Variants in RIOK1 observed in about 807,000 individuals in gnomAD.
The protein encoded by RIOK1 is RIO kinase 1, also known as serine/threonine-protein kinase RIO1.
RIOK1 carries 66 observed loss-of-function variants against 73.5 expected under a neutral mutation model. That is an observed-to-expected ratio of 0.90 (90% CI 0.74 to 1.10). RIOK1 has a LOEUF of 1.10. RIOK1 is among the 50% of genes least tolerant of loss of function. The pLI is 0.00. For synonymous variants in RIOK1, 224 were observed against 226.8 expected, an observed-to-expected ratio of 0.99 and a Z score of 0.11; for missense variants, 658 against 699.8, an observed-to-expected ratio of 0.94 and a Z score of 0.67.
intron 10 of RIOK1, 28 bp downstream of exon 10, chr6:7,404,583 GC>G: frequency 6.2e-7 from 1 of 1,604,466 alleles, no homozygotes. Context: ...CTTAAGAACT[GC>G]CTGTCAGTTG....
At chr6:7,395,534 A>C (rs1012234328) in intron 3 of RIOK1, among the ~76,000 whole-genome samples, 3 of 151,970 alleles carry the variant, frequency 2.0e-5, no homozygotes, top group African/African-American at 7.2e-5. Flanking sequence ...AAAAAGAAAA[A>C]AGGAATGAAT....
At chr6:7,417,194 T>C (rs552334338) in intron 16 of RIOK1, 137 bp from the exon 17 acceptor site, 1 of 513,768 alleles carries the variant, frequency 1.9e-6, no homozygotes, top group African/African-American at 2.0e-5. Context: ...GAGGCTGAAG[T>C]GAACCATGGT....
At chr6:7,399,204 A>G (rs1220372617) in intron 5 of RIOK1, among the ~76,000 whole-genome samples, 1 of 152,196 alleles carries the variant, frequency 6.6e-6, no homozygotes, top group African/African-American at 2.4e-5. Context: ...ATTGGCCCCT[A>G]ATTTTCCCAC....
At chr6:7,393,050 G>A (rs1278377966) in intron 1 of RIOK1, 49 bp from the exon 2 acceptor site, 2 of 1,521,300 alleles carry the variant, frequency 1.3e-6, no homozygotes, top group Non-Finnish European at 1.8e-6. Flanking sequence ...AGATCAGTTA[G>A]GGTATGTGGA....
chr6:7,411,618 G>T, intron 14 of RIOK1, 167 bp downstream of exon 14: 2 of 603,256 alleles, frequency 3.3e-6, no homozygotes, highest in East Asian at 3.1e-5. Flanking sequence ...GAACGCAAAG[G>T]GAATTATTTG....
intron 1 of RIOK1, among the ~76,000 whole-genome samples, chr6:7,392,615 G>C (rs927207211): frequency 6.6e-6 from 1 of 151,784 alleles, no homozygotes; most frequent in African/African-American, 2.4e-5. Context: ...GAACTCCTGG[G>C]CTCAAGCAAT....
At chr6:7,397,723 G>A (rs967686720) in intron 4 of RIOK1, among the ~76,000 whole-genome samples, 10 of 152,166 alleles carry the variant, frequency 6.6e-5, no homozygotes, top group African/African-American at 2.2e-4. Context: ...TATTTCACTG[G>A]TATCTGTTTG....
In RIOK1 at chr6:7,390,022, T is replaced by G; in HGVS notation, c.20T>G (p.Leu7Arg). The stretch of plus-strand genomic sequence containing the variant: ...CCAGTCATGGACTACCGGCGGCTTC[T>G]CATGAGCCGGGTGGTCCCCGGGCAA... MDYRRL[L>R]MSRVVPGQFD... The change falls in exon 1 of 17, where the codon CTC becomes CGC. Residue 7 changes from leucine (L) to arginine (R), a missense_variant. Coordinates refer to ENST00000379834, the MANE Select transcript of RIOK1 (RefSeq NM_031480.3). The G allele has an allele frequency of 6.4e-7, 1 of 1,555,268 alleles. No individual in the cohort carries two copies.
At chr6:7,414,062 T>A (rs1761945067) in intron 15 of RIOK1, among the ~76,000 whole-genome samples, 176 bp from the exon 16 acceptor site, 1 of 152,184 alleles carries the variant, frequency 6.6e-6, no homozygotes, top group Admixed American at 6.5e-5. Flanking sequence ...AGTGGCTACT[T>A]TCATGTTTCC....
chr6:7,417,626 A>G lies in RIOK1; in HGVS notation c.*185A>G. ...GCTCTAAGCTCTAGAGTCTAGATCCAGTCACTGACTCTGTCTGGTGTTGAC... is the reference window on the plus strand; with the variant it reads ...GCTCTAAGCTCTAGAGTCTAGATCCGGTCACTGACTCTGTCTGGTGTTGAC... On this transcript the variant is annotated 3_prime_UTR_variant, in exon 17 of 17. Coordinates refer to ENST00000379834, the MANE Select transcript of RIOK1 (RefSeq NM_031480.3). 1 of 384,890 alleles carries G rather than the reference A, an allele frequency of 2.6e-6. No individual in the cohort carries two copies. The highest frequency in any genetic ancestry group is 4.8e-6 in the Non-Finnish European group (1 of 206,890). The allele number at this position is 384,890 out of a possible 1,614,324, so 23.8% of individuals were successfully genotyped here.
At chr6:7,413,329 TG>T (rs1306302791) in intron 15 of RIOK1, among the ~76,000 whole-genome samples, 4 of 152,206 alleles carry the variant, frequency 2.6e-5, no homozygotes, top group Non-Finnish European at 5.9e-5. Flanking sequence ...GGGTATTACT[TG>T]TTAAAGAACA....
At position 7,417,411 on chromosome 6, in the gene RIOK1, G is replaced by A; in HGVS notation, c.1677G>A (p.Glu559=). The change falls in exon 17 of 17, where the codon GAG becomes GAA. Residue 559 remains glutamate, a synonymous_variant. Transcript: ENST00000379834. ...CTAAACATGTGAAAAAAAGAAAGGA[G>A]AAGACAGCCAAGACGAAAAAAGGCA... ...KIPKHVKKRK[E]KTAKTKKGK 1 of 1,567,174 alleles carries A rather than the reference G, an allele frequency of 6.4e-7. No homozygotes were observed. Among genetic ancestry groups the A allele is most frequent in the Non-Finnish European group, 8.7e-7 (1 of 1,155,442 alleles).
At chr6:7,393,019 A>G in intron 1 of RIOK1, 80 bp from the exon 2 acceptor site, 3 of 1,395,574 alleles carry the variant, frequency 2.1e-6, no homozygotes, top group Non-Finnish European at 2.9e-6. Context: ...ATATTTTAAT[A>G]TCTTACATCA....
rs762844526 is a variant in RIOK1, at chr6:7,404,524, G to C, written c.961G>C (p.Val321Leu). The C allele has an allele frequency of 6.2e-7, 1 of 1,614,034 alleles. No individual in the cohort carries two copies. Among genetic ancestry groups the C allele is most frequent in the Non-Finnish European group, 8.5e-7 (1 of 1,180,024 alleles). Residue 321 changes from valine (V) to leucine (L), a missense_variant, in exon 10 of 17, where the codon GTC (valine) becomes CTC (leucine). Val to Leu is a conservative substitution (Grantham distance 32). Transcript: ENST00000379834. Reference sequence around the variant, plus strand: ...AAGAATGTATCAGGATGCCAGACTTGTCCATGCAGATCTCAGTGAATTTAA... The same window carrying C: ...AAGAATGTATCAGGATGCCAGACTTCTCCATGCAGATCTCAGTGAATTTAA... ...MRRMYQDARLVHADLSEFNML... is the reference protein window; with the variant it reads ...MRRMYQDARLLHADLSEFNML...
chr6:7,405,580 C>T (rs565802741), intron 12 of RIOK1, among the ~76,000 whole-genome samples: 59 of 152,214 alleles, frequency 3.9e-4, no homozygotes, highest in African/African-American at 1.3e-3. Context: ...CAAAAAGTTT[C>T]GGATTTTGGA....
chr6:7,415,866 CTT>C (rs1289125459), intron 16 of RIOK1, among the ~76,000 whole-genome samples: 1 of 152,182 alleles, frequency 6.6e-6, no homozygotes, highest in Non-Finnish European at 1.5e-5. Flanking sequence ...ATTCAAATAA[CTT>C]TTACTATAGT....
intron 2 of RIOK1, 57 bp downstream of exon 2, chr6:7,393,360 A>G: frequency 2.8e-6 from 4 of 1,429,542 alleles, no homozygotes; most frequent in Middle Eastern, 1.8e-4. Context: ...CTACTTTTTT[A>G]AAAGGCTGTT....
chr6:7,401,082 A>C, intron 6 of RIOK1, 32 bp downstream of exon 6: 2 of 1,400,536 alleles, frequency 1.4e-6, no homozygotes, highest in Non-Finnish European at 2.0e-6. Context: ...TGGATATTTA[A>C]TTTTCTTATT....
At chr6:7,402,450 T>C (rs1253531412) in intron 6 of RIOK1, among the ~76,000 whole-genome samples, 153 bp from the exon 7 acceptor site, 1 of 152,258 alleles carries the variant, frequency 6.6e-6, no homozygotes, top group African/African-American at 2.4e-5. Context: ...TTTGATGTAA[T>C]GTTTTACATT....
Sources: gnomAD v4.1 joint callset for allele counts (sites outside exome capture counted in the v4.1 genomes callset) on GRCh38, gnomAD v4.1.1 for gene constraint, MANE v1.5 for transcripts, NCBI Gene and HGNC (gene_info 2026-07-23, HGNC 2026-07-21) for gene names.